Variants in PCNX2 observed in about 807,000 individuals in gnomAD.
PCNX2 encodes the protein pecanex 2, also known as pecanex-like protein 2.
Under a neutral mutation model 223.8 loss-of-function variants are expected in PCNX2, and 168 were observed. The observed-to-expected ratio is 0.75, with a 90% confidence interval of 0.66 to 0.85. The LOEUF (loss-of-function observed/expected upper bound fraction) is 0.85. Among genes scored for constraint, PCNX2 ranks in the 40% least tolerant of loss-of-function variants. The probability of loss-of-function intolerance (pLI) is 0.00; values close to 1 mark genes in which losing one functional copy is unlikely to be tolerated. For synonymous variants in PCNX2, 1,006 were observed against 1,052.6 expected, an observed-to-expected ratio of 0.96 and a Z score of 0.86; for missense variants, 2,507 against 2,675.5, an observed-to-expected ratio of 0.94 and a Z score of 1.39.
intron 15 of PCNX2, among the ~76,000 whole-genome samples, chr1:233,182,867 A>G (rs897026692): frequency 6.6e-6 from 1 of 152,070 alleles, no homozygotes; most frequent in Non-Finnish European, 1.5e-5. Context: ...TTGTGCATCA[A>G]AATCACCTTT....
chr1:233,326,895 G>T, the PCNX2 span, among the ~76,000 whole-genome samples: 4 of 152,130 alleles, frequency 2.6e-5, no homozygotes. Context: ...GGAGACTGGG[G>T]CATTTTCCAT....
Position 233,252,429 on chromosome 1 carries a change from C to A in PCNX2, c.2053G>T (p.Val685Phe). The A allele has an allele frequency of 6.2e-7, 1 of 1,613,790 alleles. No individual in the cohort carries two copies. The change falls in exon 7 of 34, where the codon GTC becomes TTC. Residue 685 changes from valine to phenylalanine, a missense_variant. By Grantham distance (50) the Val-to-Phe change is conservative (BLOSUM62 -1). This residue lies in a region of PCNX2 where 1,031 missense variants were observed against 1,021.7 expected (regional missense o/e 1.01). Transcript: ENST00000258229. ...TSQQDSSVLQ[V>F]ISGPETSVQE... ...ACAGATGTTTCAGGCCCACTGATGA[C>A]TTGCAAGACAGAACTATCTTGTTGG...
At chr1:233,239,104 G>A (rs1226013311) in intron 8 of PCNX2, among the ~76,000 whole-genome samples, 1 of 152,130 alleles carries the variant, frequency 6.6e-6, no homozygotes, top group Non-Finnish European at 1.5e-5. Context: ...TATCTTAAAC[G>A]GAGCACATGC....
chr1:233,210,064 C>G (rs1222310585), intron 12 of PCNX2, among the ~76,000 whole-genome samples: 1 of 152,032 alleles, frequency 6.6e-6, no homozygotes, highest in Non-Finnish European at 1.5e-5. Flanking sequence ...AAGTCTTTAG[C>G]CTTTAACAAG....
intron 19 of PCNX2, among the ~76,000 whole-genome samples, chr1:233,142,339 G>A (rs915617714): frequency 2.6e-5 from 4 of 152,042 alleles, no homozygotes; most frequent in Non-Finnish European, 5.9e-5. Flanking sequence ...CTCCACTTTC[G>A]GGAGAAAATA....
intron 9 of PCNX2, among the ~76,000 whole-genome samples, chr1:233,233,831 G>A (rs542402108): frequency 6.6e-6 from 1 of 151,854 alleles, no homozygotes; most frequent in Non-Finnish European, 1.5e-5. Context: ...GTGCCTCCAG[G>A]CTCCAGTAAC....
chr1:233,029,734 G>A (rs1421260540), intron 25 of PCNX2, among the ~76,000 whole-genome samples: 4 of 151,894 alleles, frequency 2.6e-5, no homozygotes, highest in Non-Finnish European at 5.9e-5. Flanking sequence ...TTGTTTTCTG[G>A]CTTGTATGAT....
chr1:233,008,000 C>G (rs1558158801), intron 28 of PCNX2, among the ~76,000 whole-genome samples: 1 of 152,158 alleles, frequency 6.6e-6, no homozygotes, highest in African/African-American at 2.4e-5. Context: ...TCTTAAAGGC[C>G]TTCTCAGCTG....
At chr1:233,250,917 A>G in intron 7 of PCNX2, 85 bp from the exon 8 acceptor site, 1 of 1,407,672 alleles carries the variant, frequency 7.1e-7, no homozygotes, top group Non-Finnish European at 9.5e-7. Context: ...TCAAGTTAAA[A>G]GGAAACTTAT....
At chr1:233,207,008 CAA>C (rs142370229) in intron 13 of PCNX2, among the ~76,000 whole-genome samples, 4 of 119,232 alleles carry the variant, frequency 3.4e-5, no homozygotes, top group Non-Finnish European at 1.8e-5. Flanking sequence ...GAGACTCCAA[CAA>C]AAAAAAAAAA....
chr1:233,067,951 A>T (rs1431875267), intron 23 of PCNX2, among the ~76,000 whole-genome samples: 3 of 152,176 alleles, frequency 2.0e-5, no homozygotes, highest in Admixed American at 6.5e-5. Context: ...TAATTAAAGA[A>T]CTAAAATCAG....
At chr1:233,085,225 CG>C (rs957285200) in intron 23 of PCNX2, among the ~76,000 whole-genome samples, 1 of 151,516 alleles carries the variant, frequency 6.6e-6, no homozygotes, top group African/African-American at 2.4e-5. Flanking sequence ...CCCAGCTACT[CG>C]GGAGGCTGAG....
chr1:233,295,179 T>A lies in PCNX2; in HGVS notation c.153+147A>T, dbSNP rs144693326. 9.9e-3 allele frequency: 11,466 copies of A among 1,159,570 alleles called. 88 individuals are homozygous for A. The highest frequency in any genetic ancestry group is 0.012 in the Non-Finnish European group (10,231 of 823,440). 71.8% of individuals were successfully genotyped at this position (1,159,570 alleles called of 1,614,324 possible). On this transcript the variant is annotated intron_variant, in intron 1 of 33. Transcript: ENST00000258229. This position sits in a 1 kb window ranked among gnomAD's most constrained non-coding sequence, Gnocchi z 4.1. The stretch of plus-strand genomic sequence containing the variant: ...GTCCCCTTTCCCTGCATGTTCTCTG[T>A]CCCAAATTTCTGAAGCCCCTCCCTT...
intron 8 of PCNX2, among the ~76,000 whole-genome samples, chr1:233,242,547 CTTAAA>C (rs1448173583): frequency 2.0e-5 from 3 of 152,174 alleles, no homozygotes; most frequent in African/African-American, 7.2e-5. Flanking sequence ...CAGATTAATA[CTTAAA>C]CATGGTTATA....
At chr1:233,214,115 C>T (rs1043463879) in intron 12 of PCNX2, among the ~76,000 whole-genome samples, 1 of 151,002 alleles carries the variant, frequency 6.6e-6, no homozygotes, top group African/African-American at 2.4e-5. Context: ...GCATGAGCCA[C>T]CATGCCTGGC....
At chr1:233,299,207 T>C (rs1459970310), upstream of PCNX2, among the ~76,000 whole-genome samples, 2 of 152,138 alleles carry the variant, frequency 1.3e-5, no homozygotes, top group Non-Finnish European at 2.9e-5. Flanking sequence ...AAATTCCTCC[T>C]CCTCTCATCC....
intron 12 of PCNX2, 137 bp from the exon 13 acceptor site, chr1:233,208,826 C>CAAAAAAAAAAAAAAAAAAAAAAAAAGAA (rs71173255): frequency 1.2e-4 from 7 of 59,522 alleles, no homozygotes; most frequent in South Asian, 7.3e-4. Flanking sequence ...AATTCATATA[C>CAAAAAAAAAAAAAAAAAAAAAAAAAGAA]AAAAAAAAAA....
chr1:233,071,908 A>G (rs1672873990), intron 23 of PCNX2, among the ~76,000 whole-genome samples: 1 of 152,154 alleles, frequency 6.6e-6, no homozygotes, highest in African/African-American at 2.4e-5. Context: ...GATGCTGAGC[A>G]TTTCTTTTAT....
chr1:233,231,563 G>A (rs1322460897), intron 9 of PCNX2: 2 of 864,580 alleles, frequency 2.3e-6, no homozygotes, highest in Non-Finnish European at 1.4e-6. Flanking sequence ...TTCTTGGGGG[G>A]TGGATATTGA....
Sources: allele counts gnomAD v4.1 joint callset (sites outside exome capture counted in the v4.1 genomes callset), GRCh38; gene constraint gnomAD v4.1.1; regional missense constraint gnomAD v4.1.1; non-coding constraint Gnocchi (gnomAD v3.1); transcripts MANE v1.5; gene names NCBI Gene and HGNC (gene_info 2026-07-23, HGNC 2026-07-21).